NXPE2: variants seen among roughly 807,000 people sequenced by gnomAD.
The protein encoded by NXPE2 is NXPE family member 2.
In NXPE2, 34 loss-of-function variants were observed where a neutral mutation model predicts 34.4. The observed-to-expected ratio is 0.99, with a 90% CI of 0.75 to 1.31. The LOEUF is 1.31. Among genes scored for constraint, NXPE2 ranks in the 40% most tolerant of loss-of-function variants. The pLI, the probability that NXPE2 is intolerant of heterozygous loss-of-function variation, is 0.00. For synonymous variants in NXPE2, 235 were observed against 231.3 expected, an observed-to-expected ratio of 1.02 and a Z score of -0.15; for missense variants, 649 against 672.5, an observed-to-expected ratio of 0.97 and a Z score of 0.39.
chr11:114,581,071 G>C, the NXPE2 span, among the ~76,000 whole-genome samples: 1 of 152,172 alleles, frequency 6.6e-6, no homozygotes, highest in Non-Finnish European at 1.5e-5. Flanking sequence ...TTACACTTCA[G>C]TGTAAATAGG....
chr11:114,709,328 G>A (rs961374324), downstream of NXPE2, among the ~76,000 whole-genome samples: 16 of 151,976 alleles, frequency 1.1e-4, no homozygotes, highest in Admixed American at 7.2e-4. Context: ...ATCATTTTTC[G>A]TGGTGAGTAA....
the NXPE2 span, among the ~76,000 whole-genome samples, chr11:114,506,512 C>T: frequency 6.6e-6 from 1 of 152,086 alleles, no homozygotes; most frequent in Non-Finnish European, 1.5e-5. Context: ...TGCAAAAGAA[C>T]TGAAATCATG....
At chr11:114,522,804 G>A in the NXPE2 span, 114 of 1,043,414 alleles carry the variant, frequency 1.1e-4, no homozygotes, top group Admixed American at 2.9e-4. Flanking sequence ...TAGCTCAAAC[G>A]AGAGAATAGA....
chr11:114,612,975 C>A, the NXPE2 span, among the ~76,000 whole-genome samples: 2 of 150,052 alleles, frequency 1.3e-5, no homozygotes, highest in Non-Finnish European at 3.0e-5. Context: ...TGTTGCCTTG[C>A]GAGTAACCAC....
intron 5 of NXPE2, 76 bp downstream of exon 5, chr11:114,706,072 T>C (rs1446317497): frequency 3.5e-6 from 2 of 570,808 alleles, no homozygotes; most frequent in Non-Finnish European, 5.3e-6. Flanking sequence ...ATTATTTGCT[T>C]TTCTTTTCTA....
chr11:114,656,449 CA>C, the NXPE2 span, among the ~76,000 whole-genome samples: 1 of 152,080 alleles, frequency 6.6e-6, no homozygotes, highest in African/African-American at 2.4e-5. Flanking sequence ...CGTATGGAAT[CA>C]AAGAAGACCC....
the NXPE2 span, among the ~76,000 whole-genome samples, chr11:114,793,376 C>T: frequency 9.2e-5 from 14 of 151,982 alleles, no homozygotes; most frequent in African/African-American, 3.4e-4. Flanking sequence ...AAACAAAAGA[C>T]ATAGAAGACA....
the NXPE2 span, among the ~76,000 whole-genome samples, chr11:114,587,597 TA>T: frequency 4.6e-5 from 7 of 152,198 alleles, no homozygotes; most frequent in African/African-American, 1.7e-4. Context: ...GTTTCATTGC[TA>T]TGGGTTATGC....
the NXPE2 span, among the ~76,000 whole-genome samples, chr11:114,632,861 A>C: frequency 1.4e-5 from 1 of 72,818 alleles, no homozygotes; most frequent in African/African-American, 7.3e-5. Context: ...ATAATTATAT[A>C]ATATATAATT....
the NXPE2 span, among the ~76,000 whole-genome samples, chr11:114,547,561 G>A: frequency 2.6e-5 from 4 of 151,920 alleles, no homozygotes; most frequent in East Asian, 1.9e-4. Flanking sequence ...ATGGTGAAAC[G>A]CATCTCTCCC....
At chr11:114,790,481 G>A in the NXPE2 span, among the ~76,000 whole-genome samples, 1 of 152,196 alleles carries the variant, frequency 6.6e-6, no homozygotes, top group Non-Finnish European at 1.5e-5. Context: ...TACAATTCCA[G>A]GTGCCTCTGA....
chr11:114,619,009 C>T, the NXPE2 span, among the ~76,000 whole-genome samples: 1 of 152,028 alleles, frequency 6.6e-6, no homozygotes, highest in African/African-American at 2.4e-5. Context: ...CTAGGGTAAC[C>T]ACTGTTACCC....
chr11:114,471,821 G>A, the NXPE2 span, among the ~76,000 whole-genome samples: 1 of 152,192 alleles, frequency 6.6e-6, no homozygotes, highest in Admixed American at 6.5e-5. Context: ...GGGGCATGAT[G>A]CCTTTGAGGA....
the NXPE2 span, among the ~76,000 whole-genome samples, chr11:114,662,425 A>G: frequency 1.5e-3 from 221 of 152,302 alleles, no homozygotes; most frequent in African/African-American, 5.1e-3. Context: ...TGCAGGCTAA[A>G]GTGCTATAGG....
At chr11:114,739,390 T>TCCTC in the NXPE2 span, among the ~76,000 whole-genome samples, 3 of 110,416 alleles carry the variant, frequency 2.7e-5, no homozygotes, top group East Asian at 3.2e-4. Flanking sequence ...CTCCTTCCCT[T>TCCTC]CCTCCCTCCC....
chr11:114,737,226 A>G, the NXPE2 span, among the ~76,000 whole-genome samples: 4 of 152,108 alleles, frequency 2.6e-5, no homozygotes, highest in African/African-American at 9.7e-5. Context: ...CCCCTAACTC[A>G]TCTCTACTGA....
At chr11:114,586,242 G>A in the NXPE2 span, among the ~76,000 whole-genome samples, 1 of 152,132 alleles carries the variant, frequency 6.6e-6, no homozygotes, top group East Asian at 1.9e-4. Context: ...TTAAACCTCT[G>A]CTCTTAAACT....
At chr11:114,597,396 T>A in the NXPE2 span, among the ~76,000 whole-genome samples, 1 of 152,180 alleles carries the variant, frequency 6.6e-6, no homozygotes, top group African/African-American at 2.4e-5. Flanking sequence ...ATAGAAAATA[T>A]TTTCGGAGAA....
At chr11:114,489,924 G>A in the NXPE2 span, among the ~76,000 whole-genome samples, 3 of 152,150 alleles carry the variant, frequency 2.0e-5, no homozygotes, top group African/African-American at 7.2e-5. Flanking sequence ...CATTGTCCCT[G>A]TTTGCAGATG....
Sources: allele counts gnomAD v4.1 joint callset (sites outside exome capture counted in the v4.1 genomes callset), GRCh38; gene constraint gnomAD v4.1.1; transcripts MANE v1.5; gene names NCBI Gene and HGNC (gene_info 2026-07-23, HGNC 2026-07-21).